PREX1: variants seen among roughly 807,000 people sequenced by gnomAD.
PREX1 encodes phosphatidylinositol-3,4,5-trisphosphate dependent Rac exchange factor 1, also known as phosphatidylinositol 3,4,5-trisphosphate-dependent Rac exchanger 1 protein.
Under a neutral mutation model 198.3 loss-of-function variants are expected in PREX1, and 41 were observed. The observed-to-expected ratio is 0.21, with a 90% CI of 0.16 to 0.27. PREX1 has a LOEUF of 0.27. Ranked by LOEUF, PREX1 falls within the 10% of genes least tolerant of loss-of-function variation. PREX1 has a pLI of 1.00. For missense variants in PREX1, 1,620 were observed against 2,200.7 expected (o/e 0.74, Z 5.28); for synonymous variants, 843 against 887.2 (o/e 0.95, Z 0.89).
chr20:48,735,627 G>A (rs903750973), intron 3 of PREX1, among the ~76,000 whole-genome samples: 5 of 151,070 alleles, frequency 3.3e-5, no homozygotes, highest in Non-Finnish European at 7.4e-5. Context: ...TGTAGTACAG[G>A]CTGCCCAGCA....
At chr20:48,687,344 TCTC>T (rs1169428632) in intron 10 of PREX1, among the ~76,000 whole-genome samples, 5 of 152,208 alleles carry the variant, frequency 3.3e-5, no homozygotes, top group Non-Finnish European at 7.3e-5. Flanking sequence ...GCCATCTTCT[TCTC>T]CTTCTCAAAG....
intron 29 of PREX1, 38 bp from the exon 30 acceptor site, chr20:48,639,932 C>T (rs769619733): frequency 2.1e-5 from 33 of 1,607,474 alleles, no homozygotes; most frequent in East Asian, 8.9e-5. Flanking sequence ...AGGGAAGGGA[C>T]GGAGGTAGTG....
In PREX1 at chr20:48,657,051, C is replaced by T. The variant is rs770352335; in HGVS notation, c.2112G>A (p.Thr704=). 3.8e-5 allele frequency: 61 copies of T among 1,594,064 alleles called. No individual in the cohort carries two copies. The highest frequency in any genetic ancestry group is 3.4e-4 in the East Asian group (15 of 44,212). ...CCTGGGACACTCACTCTTTGGCCTT[C>T]GTGGCCACCAGGAGGCGCAGAGGGC... is the stretch of plus-strand genomic sequence containing the variant. ...SRRPLRLLVA[T]KAKEIIKIPD... is the part of the protein sequence containing the mutation. Residue 704 remains threonine, a synonymous_variant, in exon 18 of 40, where the codon ACG becomes ACA. Transcript: ENST00000371941.
intron 1 of PREX1, among the ~76,000 whole-genome samples, chr20:48,787,874 G>A (rs1297446434): frequency 6.6e-6 from 1 of 152,174 alleles, no homozygotes. Flanking sequence ...AGATGCTGGA[G>A]GAGGGAAATA....
At chr20:48,825,749 A>C (rs2090505869) in intron 1 of PREX1, among the ~76,000 whole-genome samples, 1 of 151,836 alleles carries the variant, frequency 6.6e-6, no homozygotes, top group Admixed American at 6.6e-5. Context: ...GGAGTGGCTC[A>C]GAAGGAGAAG....
chr20:48,742,184 G>A (rs2090085592), intron 3 of PREX1, among the ~76,000 whole-genome samples: 3 of 152,142 alleles, frequency 2.0e-5, no homozygotes, highest in Admixed American at 6.5e-5. Flanking sequence ...ATGATAGATC[G>A]CCTGGAATGG....
intron 6 of PREX1, among the ~76,000 whole-genome samples, chr20:48,702,340 C>A (rs1360382982): frequency 6.6e-6 from 1 of 152,146 alleles, no homozygotes; most frequent in African/African-American, 2.4e-5. Context: ...AGAGAGATCC[C>A]AAAGTCCAAA....
At chr20:48,793,297 G>A (rs534423294) in intron 1 of PREX1, among the ~76,000 whole-genome samples, 1 of 152,316 alleles carries the variant, frequency 6.6e-6, no homozygotes, top group Admixed American at 6.5e-5. Flanking sequence ...CTACCAATGG[G>A]TTTGGGTTGT....
At chr20:48,669,826 T>C (rs187119316) in intron 14 of PREX1, among the ~76,000 whole-genome samples, 2 of 152,140 alleles carry the variant, frequency 1.3e-5, no homozygotes, top group African/African-American at 4.8e-5. Flanking sequence ...AGAGAACCAC[T>C]GAGGAATGAA....
chr20:48,857,885 A>G, the PREX1 span, among the ~76,000 whole-genome samples: 20 of 152,374 alleles, frequency 1.3e-4, no homozygotes, highest in East Asian at 3.1e-3. Context: ...ACAAGCAGCC[A>G]TGCCCAGAGC....
At chr20:48,771,750 G>A (rs111429649) in intron 1 of PREX1, among the ~76,000 whole-genome samples, 3 of 152,174 alleles carry the variant, frequency 2.0e-5, no homozygotes, top group African/African-American at 7.2e-5. Flanking sequence ...CTTCATGCCG[G>A]ACACGGTTCC....
chr20:48,828,015 G>A (rs1279169844), upstream of PREX1: 1 of 167,222 alleles, frequency 6.0e-6, no homozygotes, highest in African/African-American at 2.4e-5. Flanking sequence ...CCGGGCGGCT[G>A]GGCCGGGGGC....
intron 26 of PREX1, among the ~76,000 whole-genome samples, chr20:48,644,698 T>C (rs2089438482): frequency 6.6e-6 from 1 of 152,210 alleles, no homozygotes; most frequent in Non-Finnish European, 1.5e-5. Context: ...GCCTGAGGGC[T>C]GGGAAACGTT....
chr20:48,877,835 G>A, the PREX1 span, among the ~76,000 whole-genome samples: 5 of 152,152 alleles, frequency 3.3e-5, no homozygotes, highest in East Asian at 1.9e-4. Flanking sequence ...TGAGCCAGGC[G>A]TGGTGGCTCA....
intron 1 of PREX1, among the ~76,000 whole-genome samples, chr20:48,817,191 C>T (rs1229327467): frequency 6.6e-6 from 1 of 152,140 alleles, no homozygotes; most frequent in Non-Finnish European, 1.5e-5. Context: ...TTTTTTCAAT[C>T]TTCGGAGGGA....
chr20:48,704,854 C>T (rs1568832437), intron 6 of PREX1, among the ~76,000 whole-genome samples: 1 of 152,176 alleles, frequency 6.6e-6, no homozygotes, highest in Non-Finnish European at 1.5e-5. Context: ...CCGCGCCAGG[C>T]TTGTTTCTTT....
intron 1 of PREX1, among the ~76,000 whole-genome samples, chr20:48,784,554 G>C (rs1052901583): frequency 6.6e-6 from 1 of 152,084 alleles, no homozygotes; most frequent in Non-Finnish European, 1.5e-5. Flanking sequence ...CCTCATTTTG[G>C]TAACAATTAT....
intron 29 of PREX1, among the ~76,000 whole-genome samples, chr20:48,641,820 A>C (rs549113103): frequency 7.5e-6 from 1 of 133,682 alleles, no homozygotes; most frequent in African/African-American, 3.0e-5. Context: ...GAAAGAAAGA[A>C]AGAAAGAGAG....
intron 1 of PREX1, among the ~76,000 whole-genome samples, chr20:48,766,097 C>A (rs1278476425): frequency 2.0e-5 from 3 of 152,212 alleles, no homozygotes; most frequent in Non-Finnish European, 2.9e-5. Flanking sequence ...GGAAAACAAG[C>A]TCAGGGTTCC....
Sources: gnomAD v4.1 joint callset for allele counts (sites outside exome capture counted in the v4.1 genomes callset) on GRCh38, gnomAD v4.1.1 for gene constraint, MANE v1.5 for transcripts, NCBI Gene and HGNC (gene_info 2026-07-23, HGNC 2026-07-21) for gene names.